NFIB: variants seen among roughly 807,000 people sequenced by gnomAD.
NFIB encodes nuclear factor I B, also known as nuclear factor 1 B-type.
A neutral mutation model predicts 61.5 loss-of-function variants in NFIB; 11 were observed. The ratio of observed to expected loss-of-function variants is 0.18; its 90% CI spans 0.11 to 0.30. The LOEUF is 0.30. NFIB is among the 10% of genes least tolerant of loss of function. The pLI, the probability that NFIB is intolerant of heterozygous loss-of-function variation, is 1.00. For missense variants in NFIB, 471 were observed against 608.9 expected (o/e 0.77, Z 2.38); for synonymous variants, 260 against 216.5 (o/e 1.20, Z -1.76).
chr9:14,125,518 G>A lies in NFIB; in HGVS notation c.1060+114C>T, dbSNP rs180884434. On this transcript the variant is annotated intron_variant, in intron 7 of 10. Coordinates refer to ENST00000380953, the MANE Select transcript of NFIB (RefSeq NM_001190737.2). ...ATCGGATTGTGCCCCTCACCATATG[G>A]GTTGAGAAAATATGGTTGCCATAGC... is the stretch of plus-strand genomic sequence containing the variant. 539 of 1,406,464 alleles carry A rather than the reference G, an allele frequency of 3.8e-4. 2 individuals are homozygous for A. The highest frequency in any genetic ancestry group is 1.9e-3 in the Admixed American group (83 of 44,418). The allele number at this position is 1,406,464 out of a possible 1,614,324, so 87.1% of individuals were successfully genotyped here.
At chr9:14,153,958 T>C (rs1396665357) in intron 4 of NFIB, among the ~76,000 whole-genome samples, 1 of 152,142 alleles carries the variant, frequency 6.6e-6, no homozygotes, top group Non-Finnish European at 1.5e-5. Flanking sequence ...ACGTAATGAA[T>C]ATAGATAATT....
chr9:14,344,116 G>GAGAGAGAGAGAAAT (rs1177336998), intron 1 of NFIB, among the ~76,000 whole-genome samples: 1 of 150,822 alleles, frequency 6.6e-6, no homozygotes, highest in East Asian at 1.9e-4. Flanking sequence ...GAAAGAGAGA[G>GAGAGAGAGAGAAAT]AGAGAGAGAG....
chr9:14,515,451 C>A, the NFIB span, among the ~76,000 whole-genome samples: 2 of 152,134 alleles, frequency 1.3e-5, no homozygotes, highest in South Asian at 4.1e-4. Flanking sequence ...AACTTTTCCA[C>A]TAACTCGGTA....
chr9:14,513,385 T>C, the NFIB span, among the ~76,000 whole-genome samples: 23 of 152,074 alleles, frequency 1.5e-4, no homozygotes, highest in East Asian at 3.9e-3. Flanking sequence ...ATCCCAGCAC[T>C]TTGGGAGGCT....
intron 2 of NFIB, among the ~76,000 whole-genome samples, chr9:14,249,790 C>T (rs1264020885): frequency 6.6e-6 from 1 of 151,974 alleles, no homozygotes; most frequent in East Asian, 1.9e-4. Context: ...AAGGTAATTC[C>T]ACAACCCCTT....
chr9:14,252,133 G>A (rs1230580807), intron 2 of NFIB, among the ~76,000 whole-genome samples: 2 of 152,082 alleles, frequency 1.3e-5, no homozygotes, highest in East Asian at 3.9e-4. Flanking sequence ...ACTCCCTAAT[G>A]CAGAGAATTA....
chr9:14,252,084 C>G (rs2055694816), intron 2 of NFIB, among the ~76,000 whole-genome samples: 2 of 152,288 alleles, frequency 1.3e-5, no homozygotes, highest in Admixed American at 1.3e-4. Context: ...GTTTTTAAAA[C>G]TGTGATTACC....
the NFIB span, among the ~76,000 whole-genome samples, chr9:14,441,151 A>T: frequency 1.3e-5 from 2 of 151,378 alleles, no homozygotes; most frequent in South Asian, 4.2e-4. Context: ...AAAAAAAAAA[A>T]AGGAGAGAGA....
intron 1 of NFIB, chr9:14,321,988 G>A: frequency 2.4e-6 from 3 of 1,227,444 alleles, no homozygotes; most frequent in Non-Finnish European, 3.0e-6. Flanking sequence ...GTCTGTAACA[G>A]AACCCTGGGC....
intron 2 of NFIB, among the ~76,000 whole-genome samples, chr9:14,220,281 GA>G (rs1184744547): frequency 6.6e-6 from 1 of 152,054 alleles, no homozygotes; most frequent in East Asian, 1.9e-4. Context: ...ATACCACAAA[GA>G]AAACACAACT....
At chr9:14,094,601 T>G (rs1204984510) in intron 10 of NFIB, 1 of 152,508 alleles carries the variant, frequency 6.6e-6, no homozygotes, top group Admixed American at 6.6e-5. Flanking sequence ...TTACTATTTG[T>G]AATAATCTGT....
chr9:14,149,333 T>G (rs1587045167), intron 5 of NFIB, among the ~76,000 whole-genome samples: 1 of 152,302 alleles, frequency 6.6e-6, no homozygotes, highest in East Asian at 1.9e-4. Flanking sequence ...CCTTTTATTT[T>G]TAAAAAGTTG....
chr9:14,290,778 T>C (rs2059038890), intron 2 of NFIB, among the ~76,000 whole-genome samples: 1 of 152,124 alleles, frequency 6.6e-6, no homozygotes, highest in Non-Finnish European at 1.5e-5. Flanking sequence ...TGAGGAACTT[T>C]CTTGTGTTAC....
intron 3 of NFIB, among the ~76,000 whole-genome samples, chr9:14,156,930 T>C (rs544543570): frequency 5.8e-4 from 88 of 152,258 alleles, no homozygotes; most frequent in Middle Eastern, 6.8e-3. Context: ...ACCAAGGAAT[T>C]AGATGCAGTT....
At chr9:14,228,048 T>C (rs1476084662) in intron 2 of NFIB, among the ~76,000 whole-genome samples, 1 of 152,320 alleles carries the variant, frequency 6.6e-6, no homozygotes, top group Admixed American at 6.5e-5. Context: ...CATACAACTT[T>C]GCATTTTCTA....
At chr9:14,090,182 G>T (rs1237586473) in intron 10 of NFIB, among the ~76,000 whole-genome samples, 1 of 152,056 alleles carries the variant, frequency 6.6e-6, no homozygotes, top group African/African-American at 2.4e-5. Context: ...TTTAAAATTA[G>T]ATCTACTTAG....
intron 1 of NFIB, among the ~76,000 whole-genome samples, chr9:14,321,070 G>C (rs1259407018): frequency 6.6e-6 from 1 of 152,158 alleles, no homozygotes; most frequent in Non-Finnish European, 1.5e-5. Context: ...TCAGCATCTT[G>C]TGTCAAAGTC....
intron 1 of NFIB, among the ~76,000 whole-genome samples, chr9:14,335,151 T>G (rs551481152): frequency 2.0e-5 from 3 of 152,334 alleles, no homozygotes; most frequent in Admixed American, 6.5e-5. Context: ...CATGTACAAG[T>G]CTTTGTATGG....
At chr9:14,135,322 C>A (rs548153344) in intron 6 of NFIB, among the ~76,000 whole-genome samples, 3 of 152,164 alleles carry the variant, frequency 2.0e-5, no homozygotes, top group African/African-American at 7.2e-5. Context: ...CCACATTACA[C>A]TGCAAGAAGG....
Sources: gnomAD v4.1 joint callset for allele counts (sites outside exome capture counted in the v4.1 genomes callset) on GRCh38, gnomAD v4.1.1 for gene constraint, MANE v1.5 for transcripts, NCBI Gene and HGNC (gene_info 2026-07-23, HGNC 2026-07-21) for gene names.